Variants in RB1 observed in about 807,000 individuals in gnomAD.
RB1 encodes the protein retinoblastoma-associated protein.
Under a neutral mutation model 135.4 loss-of-function variants are expected in RB1, and 18 were observed. The observed-to-expected ratio is 0.13, with a 90% CI of 0.09 to 0.20. The LOEUF is 0.20. Ranked by LOEUF, RB1 falls within the 10% of genes least tolerant of loss-of-function variation. RB1 has a pLI of 1.00. For synonymous variants in RB1, 365 were observed against 373.2 expected, an observed-to-expected ratio of 0.98 and a Z score of 0.25; for missense variants, 868 against 1,110.0, an observed-to-expected ratio of 0.78 and a Z score of 3.10.
At chr13:48,358,052 A>G (rs1235307822) in intron 6 of RB1, among the ~76,000 whole-genome samples, 1 of 152,146 alleles carries the variant, frequency 6.6e-6, no homozygotes, top group Non-Finnish European at 1.5e-5. Flanking sequence ...CTGCACAGAC[A>G]AAATCAATCC....
At chr13:48,432,736 A>C (rs1949143070) in intron 17 of RB1, among the ~76,000 whole-genome samples, 1 of 152,116 alleles carries the variant, frequency 6.6e-6, no homozygotes, top group Non-Finnish European at 1.5e-5. Context: ...ACTATGCTTG[A>C]GTAAGCGTAC....
intron 17 of RB1, among the ~76,000 whole-genome samples, chr13:48,425,770 A>C (rs1044608477): frequency 6.6e-6 from 1 of 152,222 alleles, no homozygotes; most frequent in East Asian, 1.9e-4. Flanking sequence ...GTATTAAATT[A>C]GACCTATAGA....
intron 2 of RB1, among the ~76,000 whole-genome samples, 186 bp from the exon 3 acceptor site, chr13:48,342,410 TTTG>T (rs1483705655): frequency 6.6e-6 from 1 of 151,252 alleles, no homozygotes; most frequent in African/African-American, 2.5e-5. Context: ...AATTTGAATG[TTTG>T]TTATTAGTGT....
intron 2 of RB1, chr13:48,317,266 G>A (rs1952192750): frequency 4.8e-6 from 2 of 413,866 alleles, no homozygotes; most frequent in Admixed American, 4.3e-5. Flanking sequence ...TGGACAGCGC[G>A]GGGAGAAGCC....
chr13:48,393,838 A>G (rs936479723), intron 17 of RB1, among the ~76,000 whole-genome samples: 1 of 152,212 alleles, frequency 6.6e-6, no homozygotes, highest in African/African-American at 2.4e-5. Context: ...TAGCTGACTT[A>G]CTAATTGGAT....
intron 2 of RB1, among the ~76,000 whole-genome samples, chr13:48,326,629 A>ACC (rs780907636): frequency 7.9e-5 from 12 of 152,126 alleles, no homozygotes; most frequent in Non-Finnish European, 1.5e-4. Context: ...CCATTGTTTT[A>ACC]CCTGGGGCTT....
chr13:48,435,637 C>T (rs1949175708), intron 17 of RB1, among the ~76,000 whole-genome samples: 1 of 152,036 alleles, frequency 6.6e-6, no homozygotes, highest in Non-Finnish European at 1.5e-5. Context: ...CTAAGAACTC[C>T]AGATCCTGAA....
rs987164896 is a variant in RB1, at chr13:48,305,453, A to G, written c.137+1404A>G. Among the ~76,000 whole-genome samples the G allele has an allele frequency of 2.6e-5, 4 of 152,244 alleles. No individual in the cohort carries two copies. The East Asian group carries it at 5.8e-4, about 22-fold the overall frequency. On this transcript the variant is annotated intron_variant, in intron 1 of 26. Coordinates refer to ENST00000267163, the MANE Select transcript of RB1 (RefSeq NM_000321.3). Reference sequence around the variant, plus strand: ...TTCTGATTAAATTCTGATGTATCCAATTCTTGCAAATTTCCCTTGGGAAAA... The same window carrying G: ...TTCTGATTAAATTCTGATGTATCCAGTTCTTGCAAATTTCCCTTGGGAAAA...
chr13:48,421,601 T>A (rs1949005644), intron 17 of RB1, among the ~76,000 whole-genome samples: 1 of 151,968 alleles, frequency 6.6e-6, no homozygotes, highest in Non-Finnish European at 1.5e-5. Flanking sequence ...TGGGAGAAAA[T>A]TTTTGCGATC....
intron 2 of RB1, among the ~76,000 whole-genome samples, chr13:48,322,423 T>C: frequency 6.6e-6 from 1 of 152,232 alleles, no homozygotes. Flanking sequence ...TTCAATAGTT[T>C]CTTAGTGAAT....
intron 3 of RB1, among the ~76,000 whole-genome samples, chr13:48,343,589 C>T (rs1338930532): frequency 6.6e-6 from 1 of 152,098 alleles, no homozygotes; most frequent in African/African-American, 2.4e-5. Context: ...TGCTTCTCTC[C>T]CTTCCTTGTT....
intron 9 of RB1, among the ~76,000 whole-genome samples, chr13:48,366,354 C>G (rs2138118833): frequency 6.6e-6 from 1 of 152,232 alleles, no homozygotes; most frequent in Non-Finnish European, 1.5e-5. Flanking sequence ...AGTGCCTCAA[C>G]TAAGGTAGGA....
intron 18 of RB1, among the ~76,000 whole-genome samples, chr13:48,453,815 A>G (rs911316436): frequency 1.3e-5 from 2 of 152,216 alleles, no homozygotes; most frequent in South Asian, 2.1e-4. Flanking sequence ...TCAATTATCT[A>G]TCCATCTCAT....
chr13:48,304,016 A>G lies in RB1; in HGVS notation c.104A>G (p.Gln35Arg). 1 of 1,472,890 alleles carries G rather than the reference A, an allele frequency of 6.8e-7. No individual in the cohort carries two copies. The highest frequency in any genetic ancestry group is 8.9e-7 in the Non-Finnish European group (1 of 1,120,440). 91.2% of individuals were successfully genotyped at this position (1,472,890 alleles called of 1,614,324 possible). A position where few individuals can be genotyped will look rare whatever the true frequency, so the allele number is the denominator to read the frequency against. The part of the protein sequence containing the change: ...PPPPPEEDPE[Q>R]DSGPEDLPLV... The stretch of plus-strand genomic sequence containing the variant: ...CCCCCTCCTGAGGAGGACCCAGAGC[A>G]GGACAGCGGCCCGGAGGACCTGCCT... The change falls in exon 1 of 27, where the codon CAG (glutamine) becomes CGG (arginine). Residue 35 changes from glutamine to arginine, a missense_variant. Coordinates refer to ENST00000267163, the MANE Select transcript of RB1 (RefSeq NM_000321.3).
intron 6 of RB1, among the ~76,000 whole-genome samples, chr13:48,354,933 C>A (rs1952577366): frequency 6.6e-6 from 1 of 152,158 alleles, no homozygotes; most frequent in South Asian, 2.1e-4. Flanking sequence ...TGATTAAGGA[C>A]TTAAATCTAA....
intron 2 of RB1, among the ~76,000 whole-genome samples, chr13:48,333,790 T>C (rs1013322398): frequency 6.6e-6 from 1 of 152,012 alleles, no homozygotes; most frequent in South Asian, 2.1e-4. Context: ...CAACTTTTTT[T>C]TTTTTTCCTT....
chr13:48,415,733 A>G (rs776296967), intron 17 of RB1: 6 of 152,198 alleles, frequency 3.9e-5, no homozygotes, highest in South Asian at 2.1e-4. Flanking sequence ...TGATTCTCAC[A>G]TGTTTGCTGA....
rs143933223 is a variant in RB1, at chr13:48,436,603, A to G, written c.1696-16390A>G. Reference sequence around the variant, plus strand: ...GGTTGCAGTGAGCCAAGATTGCACCACTGCACTCCAGCCTGGGTGACAAGA... The same window carrying G: ...GGTTGCAGTGAGCCAAGATTGCACCGCTGCACTCCAGCCTGGGTGACAAGA... On this transcript the variant is annotated intron_variant, in intron 17 of 26. Coordinates refer to ENST00000267163, the MANE Select transcript of RB1 (RefSeq NM_000321.3). Among the ~76,000 whole-genome samples, 846 of 152,118 alleles carry G rather than the reference A, an allele frequency of 5.6e-3. 5 individuals carry two copies. The highest frequency in any genetic ancestry group is 0.01 in the Middle Eastern group (3 of 294).
In RB1 at chr13:48,391,868, C is replaced by T. The variant is rs1026433435; in HGVS notation, c.1695+10425C>T. On this transcript the variant is annotated intron_variant, in intron 17 of 26. Transcript: ENST00000267163. ...TCCTGACCTCGTGATTTGCCTGCCTCGGCCTCCTCCCAAAGGGCTGGGATT... is the reference window on the plus strand; with the variant it reads ...TCCTGACCTCGTGATTTGCCTGCCTTGGCCTCCTCCCAAAGGGCTGGGATT... 2.1e-4 allele frequency among the ~76,000 whole-genome samples: 32 copies of T among 152,088 alleles called. 1 individual carries two copies. The highest frequency in any genetic ancestry group is 6.0e-4 in the African/African-American group (25 of 41,412).
Sources: gnomAD v4.1 joint callset for allele counts (sites outside exome capture counted in the v4.1 genomes callset) on GRCh38, gnomAD v4.1.1 for gene constraint, MANE v1.5 for transcripts, NCBI Gene and HGNC (gene_info 2026-07-23, HGNC 2026-07-21) for gene names.